GALNT13: variants seen among roughly 807,000 people sequenced by gnomAD.
GALNT13 encodes UDP-GalNAc:polypeptide N-acetylgalactosaminyltransferase 13.
Under a neutral mutation model 64.2 loss-of-function variants are expected in GALNT13, and 28 were observed. The observed-to-expected ratio is 0.44, with a 90% CI of 0.32 to 0.60. The LOEUF (loss-of-function observed/expected upper bound fraction) is 0.60, where lower values mean the gene tolerates loss of function less well. Ranked by LOEUF, GALNT13 falls within the 20% of genes least tolerant of loss-of-function variation. The pLI is 0.05. For missense variants in GALNT13, 577 were observed against 669.8 expected, an observed-to-expected ratio of 0.86 and a Z score of 1.53; for synonymous variants, 214 against 224.6, an observed-to-expected ratio of 0.95 and a Z score of 0.42.
At chr2:153,380,777 T>A in the GALNT13 span, among the ~76,000 whole-genome samples, 1 of 152,166 alleles carries the variant, frequency 6.6e-6, no homozygotes, top group African/African-American at 2.4e-5. Flanking sequence ...TAAAAATGTA[T>A]TTTTGTCATT....
intron 11 of GALNT13, among the ~76,000 whole-genome samples, chr2:154,434,731 G>A (rs1700868956): frequency 6.6e-6 from 1 of 151,876 alleles, no homozygotes; most frequent in Admixed American, 6.6e-5. Context: ...TTTTACAGTT[G>A]AGACAACATG....
chr2:154,364,700 C>T (rs1487334522), intron 9 of GALNT13, among the ~76,000 whole-genome samples: 1 of 151,370 alleles, frequency 6.6e-6, no homozygotes, highest in Non-Finnish European at 1.5e-5. Context: ...GAGACGGAGT[C>T]TCACTCTCTC....
At chr2:154,397,231 C>T (rs1373929399) in intron 10 of GALNT13, among the ~76,000 whole-genome samples, 1 of 151,914 alleles carries the variant, frequency 6.6e-6, no homozygotes, top group African/African-American at 2.4e-5. Flanking sequence ...GCCAGGAGAT[C>T]GACACCATCC....
At chr2:153,836,582 T>C in the GALNT13 span, among the ~76,000 whole-genome samples, 1 of 151,782 alleles carries the variant, frequency 6.6e-6, no homozygotes, top group Non-Finnish European at 1.5e-5. Context: ...TATGTATACA[T>C]GTGCCATGCT....
At chr2:153,101,815 A>G in the GALNT13 span, among the ~76,000 whole-genome samples, 4 of 152,380 alleles carry the variant, frequency 2.6e-5, no homozygotes, top group African/African-American at 9.6e-5. Flanking sequence ...GTGCTCATGC[A>G]CATCTGTCTT....
chr2:153,913,686 C>T (rs1053047717), intron 2 of GALNT13, among the ~76,000 whole-genome samples: 1 of 152,174 alleles, frequency 6.6e-6, no homozygotes, highest in Non-Finnish European at 1.5e-5. Flanking sequence ...CTTGTGTGTT[C>T]AACTCCTACT....
At chr2:153,718,092 T>C in the GALNT13 span, among the ~76,000 whole-genome samples, 1 of 152,122 alleles carries the variant, frequency 6.6e-6, no homozygotes, top group Non-Finnish European at 1.5e-5. Flanking sequence ...AAAAGATTCA[T>C]TGGTGTTCTC....
intron 3 of GALNT13, among the ~76,000 whole-genome samples, chr2:153,993,227 C>G (rs1308697853): frequency 1.3e-5 from 2 of 152,010 alleles, no homozygotes; most frequent in Non-Finnish European, 2.9e-5. Context: ...CTATATTTGA[C>G]AACTTTAGAT....
chr2:153,162,898 C>A, the GALNT13 span, among the ~76,000 whole-genome samples: 1 of 152,098 alleles, frequency 6.6e-6, no homozygotes, highest in East Asian at 1.9e-4. Flanking sequence ...CATCAACCCA[C>A]AGAAACACAA....
At chr2:153,838,006 C>G in the GALNT13 span, among the ~76,000 whole-genome samples, 2 of 151,998 alleles carry the variant, frequency 1.3e-5, no homozygotes, top group Non-Finnish European at 2.9e-5. Flanking sequence ...ATTTGCAATT[C>G]TTTGATAATT....
At chr2:153,748,459 A>G in the GALNT13 span, among the ~76,000 whole-genome samples, 1 of 152,112 alleles carries the variant, frequency 6.6e-6, no homozygotes, top group Admixed American at 6.5e-5. Context: ...TGTCTTTTGG[A>G]CAAGTCATTT....
intron 12 of GALNT13, chr2:154,446,915 C>G (rs1197888267): frequency 1.3e-5 from 10 of 777,460 alleles, no homozygotes; most frequent in Non-Finnish European, 1.9e-5. Context: ...TTCCTAGCTA[C>G]TCATTAATTT....
chr2:154,380,534 C>T (rs1698217703), intron 9 of GALNT13, among the ~76,000 whole-genome samples: 1 of 151,712 alleles, frequency 6.6e-6, no homozygotes. Context: ...GTCATCCTTC[C>T]AGAATTTTTT....
At chr2:153,676,043 CA>C in the GALNT13 span, among the ~76,000 whole-genome samples, 1 of 151,732 alleles carries the variant, frequency 6.6e-6, no homozygotes, top group East Asian at 1.9e-4. Flanking sequence ...AATTGAGACA[CA>C]AAAAGCTTTA....
the GALNT13 span, among the ~76,000 whole-genome samples, chr2:153,133,071 A>T: frequency 7.2e-6 from 1 of 138,214 alleles, no homozygotes. Flanking sequence ...TTGAAACGAG[A>T]GCGTGTTAAG....
chr2:153,819,479 G>A, the GALNT13 span, among the ~76,000 whole-genome samples: 3 of 152,100 alleles, frequency 2.0e-5, no homozygotes, highest in Admixed American at 6.5e-5. Flanking sequence ...CTTCACCAAG[G>A]CCTCCTCCAA....
chr2:153,744,044 G>A, the GALNT13 span, among the ~76,000 whole-genome samples: 3 of 152,030 alleles, frequency 2.0e-5, no homozygotes, highest in African/African-American at 4.8e-5. Context: ...AATCCATTAT[G>A]TATATGTACA....
the GALNT13 span, among the ~76,000 whole-genome samples, chr2:153,474,713 T>G: frequency 2.0e-5 from 3 of 152,188 alleles, no homozygotes; most frequent in African/African-American, 7.2e-5. Flanking sequence ...TCATGAAAAC[T>G]TCTCCCTGCA....
rs1701701237 is a variant in GALNT13 at position 154,448,365 on chromosome 2, AT to A, written c.1531-2040del. Among the ~76,000 whole-genome samples, 3 of 152,100 alleles carry A rather than the reference AT, an allele frequency of 2.0e-5. No individual in the cohort carries two copies. In the South Asian group the frequency reaches 6.2e-4, roughly 32 times the overall value. ...AGTTAGATAGTTGACTGAAGGTCAA[AT>A]TTTTTAAACAAAAGGGAAAAACTGT... On this transcript the variant is annotated intron_variant, in intron 12 of 12. Transcript: ENST00000392825.
Sources: allele counts gnomAD v4.1 joint callset (sites outside exome capture counted in the v4.1 genomes callset), GRCh38; gene constraint gnomAD v4.1.1; transcripts MANE v1.5; gene names NCBI Gene and HGNC (gene_info 2026-07-23, HGNC 2026-07-21).